The following SCAPER variants were observed in gnomAD, a reference collection of about 807,000 sequenced individuals.
SCAPER encodes S-phase cyclin A associated protein in the ER, also known as S phase cyclin A-associated protein in the endoplasmic reticulum.
Under a neutral mutation model 182.2 loss-of-function variants are expected in SCAPER, and 98 were observed. The observed-to-expected ratio is 0.54, with a 90% CI of 0.46 to 0.64. SCAPER has a LOEUF of 0.64. Ranked by LOEUF, SCAPER falls within the 30% of genes least tolerant of loss-of-function variation. SCAPER has a pLI of 0.00. For missense variants in SCAPER, 1,432 were observed against 1,690.0 expected (o/e 0.85, Z 2.68); for synonymous variants, 605 against 564.6 (o/e 1.07, Z -1.01).
chr15:76,649,082 G>A lies in SCAPER; in HGVS notation c.2645+16571C>T, dbSNP rs1006852022. Among the ~76,000 whole-genome samples, 3 of 150,682 alleles carry A rather than the reference G, an allele frequency of 2.0e-5. 1 individual carries two copies. Among genetic ancestry groups the A allele is most frequent in the African/African-American group, 7.2e-5 (3 of 41,442 alleles). On this transcript the variant is annotated intron_variant, in intron 21 of 31. Coordinates refer to ENST00000563290, the MANE Select transcript of SCAPER (RefSeq NM_020843.4). ...CTCCATGAAACCAGAAGACCCACTCGAGCGCCCCTCTCTTTCTGCAGGAGA... is the reference window on the plus strand; with the variant it reads ...CTCCATGAAACCAGAAGACCCACTCAAGCGCCCCTCTCTTTCTGCAGGAGA...
In SCAPER at chr15:76,805,537, C is replaced by T. The variant is rs1271977479; in HGVS notation, c.394-904G>A. ...ATAACTTTGTGCCTCTTTTCATGTA[C>T]ATTAGACATTTGTTTACCTTTTTTT... On this transcript the variant is annotated intron_variant, in intron 5 of 31. Coordinates refer to ENST00000563290, the MANE Select transcript of SCAPER (RefSeq NM_020843.4). Among the ~76,000 whole-genome samples the T allele has an allele frequency of 2.0e-5, 3 of 146,402 alleles. No homozygotes were observed. In the East Asian group the frequency reaches 6.0e-4, roughly 29 times the overall value.
At chr15:76,695,649 G>C (rs938887892) in intron 20 of SCAPER, among the ~76,000 whole-genome samples, 2 of 151,122 alleles carry the variant, frequency 1.3e-5, no homozygotes, top group African/African-American at 4.9e-5. Flanking sequence ...ATTTTTCCTT[G>C]ACCTAATAAG....
At chr15:76,858,008 C>A in intron 3 of SCAPER, 129 bp from the exon 4 acceptor site, 1 of 642,354 alleles carries the variant, frequency 1.6e-6, no homozygotes, top group South Asian at 2.1e-5. Context: ...CATTTAATCT[C>A]CTTCCAGAGA....
chr15:76,678,513 C>T (rs2057495941), intron 20 of SCAPER, among the ~76,000 whole-genome samples: 1 of 152,106 alleles, frequency 6.6e-6, no homozygotes, highest in Admixed American at 6.5e-5. Flanking sequence ...ATTTATAATA[C>T]TCCCTCACTG....
At chr15:76,500,547 T>C (rs1009621229) in intron 24 of SCAPER, among the ~76,000 whole-genome samples, 1 of 152,228 alleles carries the variant, frequency 6.6e-6, no homozygotes, top group African/African-American at 2.4e-5. Context: ...TTACCATTGC[T>C]ACTAAGTACA....
chr15:76,644,556 C>T (rs1247555448), intron 21 of SCAPER, among the ~76,000 whole-genome samples: 1 of 151,618 alleles, frequency 6.6e-6, no homozygotes, highest in African/African-American at 2.4e-5. Context: ...ATACAGTACA[C>T]TCTTGAGTCT....
At chr15:76,876,340 G>A (rs929108855) in intron 2 of SCAPER, among the ~76,000 whole-genome samples, 2 of 151,816 alleles carry the variant, frequency 1.3e-5, no homozygotes, top group Non-Finnish European at 2.9e-5. Context: ...AAGAGTGAGC[G>A]AGGGCTGCGA....
intron 1 of SCAPER, among the ~76,000 whole-genome samples, chr15:76,896,084 A>G (rs1223271820): frequency 6.6e-6 from 1 of 151,898 alleles, no homozygotes; most frequent in Non-Finnish European, 1.5e-5. Context: ...AAAAGACAAT[A>G]AAAGGCTGGC....
chr15:76,586,857 G>T (rs2048702570), intron 22 of SCAPER, among the ~76,000 whole-genome samples: 1 of 151,850 alleles, frequency 6.6e-6, no homozygotes, highest in Admixed American at 6.6e-5. Flanking sequence ...CTATCTCGTG[G>T]AATAGTGTCA....
At chr15:76,663,999 T>A (rs575172239) in intron 21 of SCAPER, among the ~76,000 whole-genome samples, 16 of 150,958 alleles carry the variant, frequency 1.1e-4, no homozygotes, top group East Asian at 3.9e-4. Context: ...TAGTTACATT[T>A]AAAAAAAAAG....
chr15:76,822,509 C>A (rs2067662970), intron 5 of SCAPER, among the ~76,000 whole-genome samples: 1 of 152,170 alleles, frequency 6.6e-6, no homozygotes, highest in African/African-American at 2.4e-5. Context: ...TTACCAAATA[C>A]AACATTTCCA....
At position 76,858,916 on chromosome 15, in the gene SCAPER, T is replaced by G. The variant is rs146471786; in HGVS notation, c.125-1037A>C. On this transcript the variant is annotated intron_variant, in intron 3 of 31. Coordinates refer to ENST00000563290, the MANE Select transcript of SCAPER (RefSeq NM_020843.4). Reference sequence around the variant, plus strand: ...GATTCCATGTTTTTGCTGTTGAAAGTAGTGCTGTGATGAACATACACATAC... The same window carrying G: ...GATTCCATGTTTTTGCTGTTGAAAGGAGTGCTGTGATGAACATACACATAC... 3.6e-3 allele frequency among the ~76,000 whole-genome samples: 545 copies of G among 152,342 alleles called. 3 individuals carry two copies. Among genetic ancestry groups the G allele is most frequent in the Middle Eastern group, 0.031 (9 of 294 alleles).
At chr15:76,383,103 A>C (rs75801790) in intron 27 of SCAPER, among the ~76,000 whole-genome samples, 1 of 8,664 alleles carries the variant, frequency 1.2e-4, no homozygotes, top group South Asian at 0.036. Context: ...TGTGTGTGTA[A>C]ATACACACAC....
intron 5 of SCAPER, among the ~76,000 whole-genome samples, chr15:76,826,463 G>C (rs1324940299): frequency 3.3e-5 from 5 of 150,610 alleles, no homozygotes; most frequent in Non-Finnish European, 7.4e-5. Flanking sequence ...CCTAATGCTA[G>C]ATGACGAGTG....
At chr15:76,377,552 C>T (rs2042652805) in intron 28 of SCAPER, among the ~76,000 whole-genome samples, 1 of 152,186 alleles carries the variant, frequency 6.6e-6, no homozygotes, top group South Asian at 2.1e-4. Context: ...ATTGCCAAGT[C>T]AGTACATTGA....
At chr15:76,751,688 A>T (rs1464580573) in intron 15 of SCAPER, among the ~76,000 whole-genome samples, 19 of 151,728 alleles carry the variant, frequency 1.3e-4, no homozygotes, top group Admixed American at 1.2e-3. Flanking sequence ...GCAAAAAATC[A>T]AGCTAAACCT....
chr15:76,827,987 G>A (rs964191089), intron 5 of SCAPER, among the ~76,000 whole-genome samples: 7 of 151,988 alleles, frequency 4.6e-5, no homozygotes, highest in Admixed American at 3.9e-4. Context: ...TCTCATGAAA[G>A]GTTTAATGGG....
In SCAPER at chr15:76,354,262, T is replaced by A; in HGVS notation, c.3856-122A>T. The A allele has an allele frequency of 1.3e-6, 1 of 771,802 alleles. No homozygotes were observed. The allele number at this position is 771,802 out of a possible 1,614,324, so 47.8% of individuals were successfully genotyped here. On this transcript the variant is annotated intron_variant, in intron 29 of 31. Transcript: ENST00000563290. The surrounding 1 kb of genome is among the most constrained non-coding windows in gnomAD (Gnocchi z 4.4). ...GAAGGAGTGTAAAGAAAAAGACTCC[T>A]GACTCCGTACCAGAGCTTAATTTAA...
At chr15:76,878,704 G>T (rs2073344518) in intron 2 of SCAPER, among the ~76,000 whole-genome samples, 1 of 152,062 alleles carries the variant, frequency 6.6e-6, no homozygotes, top group African/African-American at 2.4e-5. Flanking sequence ...AAGGCAGGAG[G>T]ATTATTTGAG....
Sources: allele counts gnomAD v4.1 joint callset (sites outside exome capture counted in the v4.1 genomes callset), GRCh38; gene constraint gnomAD v4.1.1; non-coding constraint Gnocchi (gnomAD v3.1); transcripts MANE v1.5; gene names NCBI Gene and HGNC (gene_info 2026-07-23, HGNC 2026-07-21).